Variants in ASH1L observed in about 807,000 individuals in gnomAD.
The protein encoded by ASH1L is ASH1 like histone lysine methyltransferase.
In ASH1L, 23 loss-of-function variants were observed where a neutral mutation model predicts 269.0. The observed-to-expected ratio is 0.09, with a 90% CI of 0.06 to 0.12. The LOEUF (loss-of-function observed/expected upper bound fraction) is 0.12, where lower values mean the gene tolerates loss of function less well. Ranked by LOEUF, ASH1L falls within the 10% of genes least tolerant of loss-of-function variation. The pLI is 1.00. For missense variants in ASH1L, 2,912 were observed against 3,567.8 expected (o/e 0.82, Z 4.68); for synonymous variants, 1,187 against 1,253.5 (o/e 0.95, Z 1.12).
intron 2 of ASH1L, among the ~76,000 whole-genome samples, chr1:155,511,344 G>A (rs895120404): frequency 6.6e-6 from 1 of 152,258 alleles, no homozygotes; most frequent in East Asian, 1.9e-4. Context: ...TTCCCACAGG[G>A]ATCACTGCAG....
chr1:155,515,140 T>G (rs1306165669), intron 2 of ASH1L, among the ~76,000 whole-genome samples: 1 of 152,120 alleles, frequency 6.6e-6, no homozygotes, highest in East Asian at 1.9e-4. Context: ...ATTGATGAGA[T>G]GTACCAAAAA....
At chr1:155,447,396 AT>A (rs1482426381) in intron 4 of ASH1L, among the ~76,000 whole-genome samples, 2 of 151,952 alleles carry the variant, frequency 1.3e-5, no homozygotes, top group African/African-American at 4.8e-5. Context: ...AGACTGGCTA[AT>A]TTTTATATTT....
intron 2 of ASH1L, among the ~76,000 whole-genome samples, chr1:155,489,683 G>A (rs1037433902): frequency 6.6e-6 from 1 of 151,798 alleles, no homozygotes; most frequent in African/African-American, 2.4e-5. Flanking sequence ...GTGTGAACCT[G>A]GGAGGCGGAG....
intron 3 of ASH1L, among the ~76,000 whole-genome samples, chr1:155,476,161 C>T (rs1172330960): frequency 6.6e-6 from 1 of 151,962 alleles, no homozygotes; most frequent in Non-Finnish European, 1.5e-5. Context: ...CCGAGGTGGG[C>T]GGATCACGAG....
At position 155,337,561 on chromosome 1, in the gene ASH1L, G is replaced by C. The variant is rs1652416131; in HGVS notation, c.*99C>G. The C allele has an allele frequency of 1.0e-6, 1 of 989,408 alleles. No homozygotes were observed. The highest frequency in any genetic ancestry group is 1.6e-6 in the Non-Finnish European group (1 of 627,020). The allele number at this position is 989,408 out of a possible 1,614,324, so 61.3% of individuals were successfully genotyped here. A position where few individuals can be genotyped will look rare whatever the true frequency, so the allele number is the denominator to read the frequency against. Reference sequence around the variant, plus strand: ...AACATGGCCCCATTCCCCTTGCCCAGATGGACCCTTCCCACCCCTGTCTAT... The same window carrying C: ...AACATGGCCCCATTCCCCTTGCCCACATGGACCCTTCCCACCCCTGTCTAT... On this transcript the variant is annotated 3_prime_UTR_variant, in exon 28 of 28. Transcript: ENST00000392403.
At chr1:155,492,033 CTTTTTTTTTT>C (rs747132753) in intron 2 of ASH1L, among the ~76,000 whole-genome samples, 33 of 111,936 alleles carry the variant, frequency 2.9e-4, no homozygotes, top group African/African-American at 1.0e-3. Flanking sequence ...GTTTTGTTTA[CTTTTTTTTTT>C]TTTTTTTTTT....
At chr1:155,378,603 G>A (rs1656670623) in intron 8 of ASH1L, 55 bp from the exon 9 acceptor site, 1 of 1,388,842 alleles carries the variant, frequency 7.2e-7, no homozygotes, top group Non-Finnish European at 1.0e-6. Flanking sequence ...ATGCCAGACG[G>A]CAGCATCAAT....
At chr1:155,485,668 TA>T (rs140960309) in intron 2 of ASH1L, among the ~76,000 whole-genome samples, 135 of 152,356 alleles carry the variant, frequency 8.9e-4, no homozygotes, top group African/African-American at 3.1e-3. Flanking sequence ...AGTAAAAGGC[TA>T]TACTTTTAAG....
intron 1 of ASH1L, among the ~76,000 whole-genome samples, chr1:155,553,578 G>A (rs762631119): frequency 5.9e-5 from 9 of 152,112 alleles, no homozygotes; most frequent in Admixed American, 2.6e-4. Context: ...TACCTAGAAC[G>A]CCCTCTCTTA....
chr1:155,453,258 G>A (rs1663626987), intron 4 of ASH1L, among the ~76,000 whole-genome samples: 1 of 152,180 alleles, frequency 6.6e-6, no homozygotes. Context: ...TGGAGGTTGA[G>A]TCAGGAGAAT....
At chr1:155,504,299 G>A (rs753807166) in intron 2 of ASH1L, among the ~76,000 whole-genome samples, 1 of 152,140 alleles carries the variant, frequency 6.6e-6, no homozygotes, top group Non-Finnish European at 1.5e-5. Flanking sequence ...GTCAAGCTGA[G>A]CTTTGCCAGT....
chr1:155,501,673 C>A (rs1312099264), intron 2 of ASH1L, among the ~76,000 whole-genome samples: 1 of 152,106 alleles, frequency 6.6e-6, no homozygotes, highest in Non-Finnish European at 1.5e-5. Flanking sequence ...TTTATTCATT[C>A]ATTTTTTTGA....
chr1:155,469,339 C>T (rs1224772097), intron 3 of ASH1L, among the ~76,000 whole-genome samples: 5 of 152,222 alleles, frequency 3.3e-5, no homozygotes, highest in African/African-American at 1.2e-4. Flanking sequence ...TGTGCCACCA[C>T]GTCCGGCTAT....
intron 4 of ASH1L, among the ~76,000 whole-genome samples, chr1:155,443,513 C>A (rs1325908): frequency 0.55 from 84,188 of 152,012 alleles, 26,280 homozygotes; most frequent in Non-Finnish European, 0.71. Context: ...AAAAATTTAC[C>A]ATGTAGCCAT....
chr1:155,389,818 C>T (rs933727110), intron 7 of ASH1L, among the ~76,000 whole-genome samples: 11 of 149,394 alleles, frequency 7.4e-5, no homozygotes, highest in African/African-American at 2.7e-4. Context: ...TATAAGAATA[C>T]AATTGATTTT....
intron 12 of ASH1L, among the ~76,000 whole-genome samples, chr1:155,369,759 T>C (rs1294513854): frequency 6.6e-6 from 1 of 152,134 alleles, no homozygotes; most frequent in Non-Finnish European, 1.5e-5. Flanking sequence ...AAGAACTCAA[T>C]AAATATTAGG....
intron 10 of ASH1L, among the ~76,000 whole-genome samples, chr1:155,371,945 C>T (rs149832962): frequency 0.021 from 3,116 of 151,904 alleles, 103 homozygotes; most frequent in African/African-American, 0.072. Context: ...CCGCCTGCCT[C>T]GGCCTCCCAA....
intron 1 of ASH1L, among the ~76,000 whole-genome samples, chr1:155,524,642 G>A (rs1669115127): frequency 6.6e-6 from 1 of 151,662 alleles, no homozygotes; most frequent in Admixed American, 6.6e-5. Context: ...AAGCCAGTAT[G>A]GACAACACAG....
At chr1:155,497,743 A>G (rs972473353) in intron 2 of ASH1L, among the ~76,000 whole-genome samples, 5 of 151,206 alleles carry the variant, frequency 3.3e-5, no homozygotes, top group African/African-American at 1.2e-4. Context: ...CCATAAAAGA[A>G]GAAAATTCTT....
Sources: allele counts gnomAD v4.1 joint callset (sites outside exome capture counted in the v4.1 genomes callset), GRCh38; gene constraint gnomAD v4.1.1; transcripts MANE v1.5; gene names NCBI Gene and HGNC (gene_info 2026-07-23, HGNC 2026-07-21).